Variants in ABCB5 observed in about 807,000 individuals in gnomAD.
ABCB5 encodes the protein ATP-binding cassette sub-family B member 5.
In ABCB5, 155 loss-of-function variants were observed where a neutral mutation model predicts 144.2. The ratio of observed to expected loss-of-function variants is 1.08; its 90% CI spans 0.94 to 1.23. ABCB5 has a LOEUF of 1.23. ABCB5 is among the 50% of genes most tolerant of loss of function. ABCB5 has a pLI of 0.00. For missense variants in ABCB5, 1,830 were observed against 1,520.8 expected, an observed-to-expected ratio of 1.20 and a Z score of -3.38; for synonymous variants, 610 against 528.6, an observed-to-expected ratio of 1.15 and a Z score of -2.11.
At chr7:20,660,963 T>C (rs971057327) in intron 14 of ABCB5, among the ~76,000 whole-genome samples, 1 of 152,190 alleles carries the variant, frequency 6.6e-6, no homozygotes, top group Non-Finnish European at 1.5e-5. Flanking sequence ...AGCAGTTTCT[T>C]AGGGCAGGGG....
rs1463462381 is a variant in ABCB5, at chr7:20,718,090, T to C, written c.2422-4926T>C. 4.6e-5 allele frequency among the ~76,000 whole-genome samples: 7 copies of C among 150,706 alleles called. No homozygotes were observed. In the East Asian group the frequency reaches 5.9e-4, roughly 13 times the overall value. ...CTAATTTTTTTGTGGTTTTTTTTTT[T>C]AGTAGAGACGGGGTTTCACCGTGTT... On this transcript the variant is annotated intron_variant, in intron 20 of 27. Coordinates refer to ENST00000404938, the MANE Select transcript of ABCB5 (RefSeq NM_001163941.2).
At chr7:20,651,721 G>A in intron 13 of ABCB5, 98 bp downstream of exon 13, 1 of 1,281,342 alleles carries the variant, frequency 7.8e-7, no homozygotes, top group South Asian at 1.4e-5. Flanking sequence ...AGAATAGTAG[G>A]GGTGTGATTA....
intron 13 of ABCB5, among the ~76,000 whole-genome samples, chr7:20,655,003 A>C (rs1210516575): frequency 5.3e-5 from 8 of 152,056 alleles, no homozygotes; most frequent in Admixed American, 5.2e-4. Context: ...CAAAAACTGA[A>C]AAACATCAAT....
At chr7:20,735,672 T>C in intron 23 of ABCB5, among the ~76,000 whole-genome samples, 1 of 152,124 alleles carries the variant, frequency 6.6e-6, no homozygotes, top group Non-Finnish European at 1.5e-5. Flanking sequence ...ATCTAGGGCC[T>C]TCAGAAGATT....
rs191686828 is a variant in ABCB5, at chr7:20,642,443, T to A, written c.315-741T>A. ...AAACTTTTCTTGACCACTCTATTTA[T>A]CTGCACTAGCTCTCCCAACCCATGT... On this transcript the variant is annotated intron_variant, in intron 5 of 27. Transcript: ENST00000404938. Among the ~76,000 whole-genome samples the A allele has an allele frequency of 1.1e-4, 16 of 152,334 alleles. No individual in the cohort carries two copies. In the East Asian group the frequency reaches 2.7e-3, roughly 26 times the overall value.
At chr7:20,668,605 GC>G (rs1179060292) in intron 14 of ABCB5, among the ~76,000 whole-genome samples, 5 of 138,930 alleles carry the variant, frequency 3.6e-5, no homozygotes, top group Admixed American at 7.3e-5. Context: ...GGGGGGGTCA[GC>G]CCCCCGCCCG....
rs1784611465 is a variant in ABCB5, at chr7:20,651,986, C to CA, written c.1536+365dup. The stretch of plus-strand genomic sequence containing the variant: ...ATCTGTAGAGAAGAATGCATAGTAA[C>CA]AACCAAAAGAAGAAATGCATCATTG... On this transcript the variant is annotated intron_variant, in intron 13 of 27. Coordinates refer to ENST00000404938, the MANE Select transcript of ABCB5 (RefSeq NM_001163941.2). Among the ~76,000 whole-genome samples the CA allele has an allele frequency of 2.6e-5, 4 of 151,980 alleles. No individual in the cohort carries two copies. The South Asian group carries it at 8.3e-4, about 32-fold the overall frequency.
intron 2 of ABCB5, among the ~76,000 whole-genome samples, chr7:20,625,925 A>G (rs1055528367): frequency 6.6e-6 from 1 of 152,262 alleles, no homozygotes; most frequent in East Asian, 1.9e-4. Flanking sequence ...TGGCAAAAAC[A>G]TATAATGGAA....
intron 20 of ABCB5, among the ~76,000 whole-genome samples, chr7:20,711,829 T>C (rs1241767121): frequency 1.8e-5 from 1 of 56,744 alleles, no homozygotes; most frequent in African/African-American, 1.4e-4. Context: ...TCTTTCTTTC[T>C]TTCTTTCTTT....
intron 23 of ABCB5, among the ~76,000 whole-genome samples, chr7:20,736,475 C>A (rs1782382637): frequency 6.6e-6 from 1 of 152,188 alleles, no homozygotes; most frequent in African/African-American, 2.4e-5. Context: ...CTCGGCCTCC[C>A]AAAGTGCTGG....
intron 12 of ABCB5, among the ~76,000 whole-genome samples, chr7:20,651,091 TG>T (rs1161472124): frequency 1.3e-5 from 2 of 152,182 alleles, no homozygotes; most frequent in Non-Finnish European, 2.9e-5. Flanking sequence ...CATCCAAAAC[TG>T]AAGTTTTTTG....
In ABCB5 at chr7:20,721,258, G is replaced by C. The variant is rs140365177; in HGVS notation, c.2422-1758G>C. On this transcript the variant is annotated intron_variant, in intron 20 of 27. Coordinates refer to ENST00000404938, the MANE Select transcript of ABCB5 (RefSeq NM_001163941.2). ...TCCCAAGTGATTCAGGGAACAAAGA[G>C]TTCTTTATCCTCCAGTTACAAGCGT... 2.8e-3 allele frequency among the ~76,000 whole-genome samples: 420 copies of C among 152,266 alleles called. 3 individuals are homozygous for C. The highest frequency in any genetic ancestry group is 9.5e-3 in the African/African-American group (394 of 41,554).
chr7:20,732,389 A>G (rs989949771), intron 23 of ABCB5, among the ~76,000 whole-genome samples: 1 of 152,200 alleles, frequency 6.6e-6, no homozygotes, highest in African/African-American at 2.4e-5. Context: ...GATTCTATGA[A>G]ATTATATTTT....
In ABCB5 at chr7:20,639,926, A is replaced by G. The variant is rs937791195; in HGVS notation, c.315-3258A>G. ...TTTTGACAGGGATTGCATTGAATCT[A>G]TAGATAAATTTGGGGAAGATTGTCA... On this transcript the variant is annotated intron_variant, in intron 5 of 27. Transcript: ENST00000404938. 4.6e-5 allele frequency among the ~76,000 whole-genome samples: 7 copies of G among 152,186 alleles called. No individual in the cohort carries two copies. The South Asian group carries it at 1.0e-3, about 23-fold the overall frequency.
At chr7:20,651,279 A>T in intron 12 of ABCB5, 141 bp from the exon 13 acceptor site, 2 of 772,146 alleles carry the variant, frequency 2.6e-6, no homozygotes, top group Non-Finnish European at 2.1e-6. Context: ...TATATATGTT[A>T]GAAATATTTT....
intron 1 of ABCB5, among the ~76,000 whole-genome samples, chr7:20,622,939 G>A (rs1026614719): frequency 2.2e-4 from 33 of 152,184 alleles, no homozygotes; most frequent in African/African-American, 7.7e-4. Flanking sequence ...TCAAATGAAT[G>A]GCAAAGTAGG....
chr7:20,641,376 C>A (rs1461858899), intron 5 of ABCB5, among the ~76,000 whole-genome samples: 5 of 147,792 alleles, frequency 3.4e-5, no homozygotes, highest in Admixed American at 2.0e-4. Flanking sequence ...CACACACACA[C>A]AAACTATAAA....
rs773083608 is a variant in ABCB5 at position 20,755,653 on chromosome 7, T to C, written c.*29T>C. The C allele has an allele frequency of 1.2e-6, 2 of 1,604,194 alleles. No individual in the cohort carries two copies. The highest frequency in any genetic ancestry group is 2.7e-5 in the African/African-American group (2 of 74,700). ...TGTTGAGGTAGCACATATTTTGATG[T>C]TCGTGTAATGCAAAGAAGGAGTACT... On this transcript the variant is annotated 3_prime_UTR_variant, in exon 28 of 28. Coordinates refer to ENST00000404938, the MANE Select transcript of ABCB5 (RefSeq NM_001163941.2).
intron 11 of ABCB5, 72 bp from the exon 12 acceptor site, chr7:20,649,950 C>G: frequency 6.7e-7 from 1 of 1,487,754 alleles, no homozygotes; most frequent in Non-Finnish European, 9.0e-7. Flanking sequence ...TAATTATGTA[C>G]TCATTTTCTG....
Sources: allele counts gnomAD v4.1 joint callset (sites outside exome capture counted in the v4.1 genomes callset), GRCh38; gene constraint gnomAD v4.1.1; transcripts MANE v1.5; gene names NCBI Gene and HGNC (gene_info 2026-07-23, HGNC 2026-07-21).